Variants in GFM2 observed in about 807,000 individuals in gnomAD.
GFM2 encodes ribosome-releasing factor 2, mitochondrial.
Under a neutral mutation model 95.4 loss-of-function variants are expected in GFM2, and 72 were observed. The observed-to-expected ratio is 0.76, with a 90% CI of 0.62 to 0.92. The LOEUF (loss-of-function observed/expected upper bound fraction) is 0.92, where lower values mean the gene tolerates loss of function less well. GFM2 is among the 40% of genes least tolerant of loss of function. The pLI, the probability that GFM2 is intolerant of heterozygous loss-of-function variation, is 0.00. For synonymous variants in GFM2, 276 were observed against 317.5 expected, an observed-to-expected ratio of 0.87 and a Z score of 1.39; for missense variants, 825 against 924.1, an observed-to-expected ratio of 0.89 and a Z score of 1.39.
rs1271538133 is a variant in GFM2 at position 74,725,565 on chromosome 5, A to G, written c.2028+75T>C. 4 of 947,968 alleles carry G rather than the reference A, an allele frequency of 4.2e-6. No individual in the cohort carries two copies. The African/African-American group carries it at 4.8e-5, about 11-fold the overall frequency. 58.7% of individuals were successfully genotyped at this position (947,968 alleles called of 1,614,324 possible). On this transcript the variant is annotated intron_variant, in intron 19 of 20. Coordinates refer to ENST00000296805, the MANE Select transcript of GFM2 (RefSeq NM_032380.5). ...ACACAAGATAAGGCTCTGTAAACAC[A>G]GCTGTCTGCAAGATCAGTGGTACTA...
intron 12 of GFM2, among the ~76,000 whole-genome samples, chr5:74,738,870 A>T (rs1742974929): frequency 6.6e-6 from 1 of 152,090 alleles, no homozygotes; most frequent in East Asian, 1.9e-4. Flanking sequence ...TCCAAATATT[A>T]CTTCTATTTG....
At chr5:74,762,411 C>T (rs1744329681) in intron 2 of GFM2, among the ~76,000 whole-genome samples, 1 of 152,208 alleles carries the variant, frequency 6.6e-6, no homozygotes, top group South Asian at 2.1e-4. Flanking sequence ...GAGCTCTTAT[C>T]ATGTTATGTG....
At chr5:74,732,908 A>G in intron 16 of GFM2, 114 bp downstream of exon 16, 1 of 557,616 alleles carries the variant, frequency 1.8e-6, no homozygotes, top group Admixed American at 2.9e-5. Context: ...TTCTTTCAGG[A>G]CACAGACTTA....
chr5:74,734,168 G>GC, intron 15 of GFM2, among the ~76,000 whole-genome samples: 1 of 152,096 alleles, frequency 6.6e-6, no homozygotes, highest in African/African-American at 2.4e-5. Flanking sequence ...GTTATGAACT[G>GC]CCAGATGCTG....
chr5:74,759,454 T>G, intron 3 of GFM2, 28 bp from the exon 4 acceptor site: 5 of 1,219,504 alleles, frequency 4.1e-6, no homozygotes, highest in East Asian at 2.4e-5. Context: ...AAAATTGAAC[T>G]GTTACATTTA....
At chr5:74,733,335 G>C in intron 15 of GFM2, 3 of 194,070 alleles carry the variant, frequency 1.5e-5, no homozygotes, top group Non-Finnish European at 2.0e-5. Flanking sequence ...TACAAAAAAA[G>C]AAAAAAAAAA....
At chr5:74,725,084 TTAATA>T (rs1307898424) in intron 19 of GFM2, 1 of 152,322 alleles carries the variant, frequency 6.6e-6, no homozygotes, top group Non-Finnish European at 1.5e-5. Context: ...TCTTTATAAT[TTAATA>T]TAAGTAGAGA....
chr5:74,741,870 T>C (rs887228413), intron 10 of GFM2: 5 of 259,266 alleles, frequency 1.9e-5, no homozygotes, highest in African/African-American at 6.7e-5. Flanking sequence ...AATTAAATGC[T>C]ATCAGTGTGC....
At chr5:74,752,387 G>A (rs1743764114) in intron 5 of GFM2, among the ~76,000 whole-genome samples, 1 of 152,104 alleles carries the variant, frequency 6.6e-6, no homozygotes, top group Non-Finnish European at 1.5e-5. Context: ...CCCCATATAT[G>A]TGTATGTGTA....
intron 1 of GFM2, among the ~76,000 whole-genome samples, chr5:74,764,788 T>G (rs1171303728): frequency 1.4e-5 from 2 of 139,826 alleles, no homozygotes; most frequent in Admixed American, 7.0e-5. Context: ...GTTTTTTTTT[T>G]TTTTTTTTTT....
At chr5:74,754,928 C>A (rs1485315022) in intron 5 of GFM2, among the ~76,000 whole-genome samples, 1 of 151,890 alleles carries the variant, frequency 6.6e-6, no homozygotes, top group Non-Finnish European at 1.5e-5. Flanking sequence ...CCAGCCTGGC[C>A]AACATAAAAA....
chr5:74,763,857 G>A, intron 1 of GFM2, 91 bp from the exon 2 acceptor site: 4 of 627,810 alleles, frequency 6.4e-6, no homozygotes, highest in East Asian at 2.8e-5. Context: ...TAATATGTAT[G>A]GTAAAATGTA....
intron 7 of GFM2, among the ~76,000 whole-genome samples, chr5:74,750,214 G>C (rs1200789822): frequency 6.6e-6 from 1 of 152,080 alleles, no homozygotes; most frequent in Non-Finnish European, 1.5e-5. Flanking sequence ...CAGAAAAATG[G>C]AACTATTAGG....
In GFM2 at chr5:74,745,726, A is replaced by G; in HGVS notation, c.801T>C (p.Pro267=). ...ERKPLLEMND[P]ELLKETTEAR... is the part of the protein sequence containing the mutation. ...CTTCAGTTGTTTCCTTCAGCAATTC[A>G]GGATCATTCATTTCCAAGAGGGGCT... Residue 267 remains proline (P), a synonymous_variant, in exon 10 of 21, where the codon CCT becomes CCC. Transcript: ENST00000296805. 6.2e-7 allele frequency: 1 copy of G among 1,613,828 alleles called. No individual in the cohort carries two copies. The highest frequency in any genetic ancestry group is 8.5e-7 in the Non-Finnish European group (1 of 1,179,902).
intron 19 of GFM2, among the ~76,000 whole-genome samples, chr5:74,723,886 T>TTGGCTATATTTAATTCCCTTATGAAA: frequency 6.6e-6 from 1 of 152,182 alleles, no homozygotes; most frequent in East Asian, 1.9e-4. Context: ...ATCTAATACT[T>TTGGCTATATTTAATTCCCTTATGAAA]TGGCTATATT....
chr5:74,750,761 G>A, intron 6 of GFM2, 94 bp from the exon 7 acceptor site: 1 of 827,228 alleles, frequency 1.2e-6, no homozygotes, highest in South Asian at 1.5e-5. Context: ...AGGGGTGTGT[G>A]TGTATATATA....
intron 5 of GFM2, among the ~76,000 whole-genome samples, chr5:74,753,956 G>C (rs914453691): frequency 6.8e-6 from 1 of 147,002 alleles, no homozygotes; most frequent in Non-Finnish European, 1.5e-5. Context: ...TTTTAAGAGT[G>C]TGGGGAAAAA....
chr5:74,753,990 A>C (rs1743847249), intron 5 of GFM2, among the ~76,000 whole-genome samples: 1 of 152,142 alleles, frequency 6.6e-6, no homozygotes, highest in African/African-American at 2.4e-5. Context: ...TATAAATAAA[A>C]ACCTATCAGA....
intron 10 of GFM2, among the ~76,000 whole-genome samples, chr5:74,744,744 CTA>C (rs1257204469): frequency 6.6e-6 from 1 of 152,178 alleles, no homozygotes; most frequent in East Asian, 1.9e-4. Context: ...CCTAAAGAAA[CTA>C]TTGCCCATGT....
Sources: allele counts gnomAD v4.1 joint callset (sites outside exome capture counted in the v4.1 genomes callset), GRCh38; gene constraint gnomAD v4.1.1; transcripts MANE v1.5; gene names NCBI Gene and HGNC (gene_info 2026-07-23, HGNC 2026-07-21).